Variants in THADA observed in about 807,000 individuals in gnomAD.
THADA encodes the protein THADA armadillo repeat containing.
In THADA, 213 loss-of-function variants were observed where a neutral mutation model predicts 219.8. The ratio of observed to expected loss-of-function variants is 0.97; its 90% CI spans 0.87 to 1.09. The LOEUF (loss-of-function observed/expected upper bound fraction) is 1.09, where lower values mean the gene tolerates loss of function less well. Ranked by LOEUF, THADA falls within the 50% of genes least tolerant of loss-of-function variation. The probability of loss-of-function intolerance (pLI) is 0.00; values close to 1 mark genes in which losing one functional copy is unlikely to be tolerated. For missense variants in THADA, 2,956 were observed against 2,311.3 expected (o/e 1.28, Z -5.72); for synonymous variants, 1,018 against 828.9 (o/e 1.23, Z -3.92).
intron 22 of THADA, among the ~76,000 whole-genome samples, chr2:43,520,889 G>A (rs1692342636): frequency 7.5e-6 from 1 of 132,756 alleles, no homozygotes; most frequent in Admixed American, 9.2e-5. Flanking sequence ...ATGAAGAGTA[G>A]AAATTCTTAA....
At chr2:43,325,720 A>G (rs535412119) in intron 30 of THADA, among the ~76,000 whole-genome samples, 1 of 152,242 alleles carries the variant, frequency 6.6e-6, no homozygotes, top group Non-Finnish European at 1.5e-5. Context: ...AAGTTCAGAG[A>G]TTTCCCAAGG....
At chr2:43,336,956 G>C (rs767582679) in intron 30 of THADA, among the ~76,000 whole-genome samples, 4 of 152,188 alleles carry the variant, frequency 2.6e-5, no homozygotes, top group African/African-American at 9.7e-5. Flanking sequence ...GTGGCCACGT[G>C]GGAATTTGAG....
At chr2:43,389,343 C>T (rs1378470983) in intron 29 of THADA, among the ~76,000 whole-genome samples, 2 of 152,078 alleles carry the variant, frequency 1.3e-5, no homozygotes, top group African/African-American at 4.8e-5. Flanking sequence ...AAAATAATAG[C>T]TAAAAGCCAG....
At chr2:43,251,919 G>A (rs931473235) in intron 36 of THADA, among the ~76,000 whole-genome samples, 54 of 151,900 alleles carry the variant, frequency 3.6e-4, no homozygotes, top group African/African-American at 1.2e-3. Flanking sequence ...CATCTTTTCC[G>A]TGTTTCTTCC....
At position 43,514,675 on chromosome 2, in the gene THADA, T is replaced by C. The variant is rs1488392695; in HGVS notation, c.3375-5895A>G. On this transcript the variant is annotated intron_variant, in intron 22 of 37. Transcript: ENST00000405975. ...ATATATTGTATATAATAATATATAA[T>C]ATATTATATTATATATAATATATAT... Among the ~76,000 whole-genome samples the C allele has an allele frequency of 4.7e-5, 4 of 85,108 alleles. 1 individual carries two copies. Among genetic ancestry groups the C allele is most frequent in the African/African-American group, 2.1e-4 (4 of 18,718 alleles). 55.8% of individuals were successfully genotyped at this position (85,108 alleles called of 152,430 possible). A position where few individuals can be genotyped will look rare whatever the true frequency, so the allele number is the denominator to read the frequency against.
intron 29 of THADA, among the ~76,000 whole-genome samples, chr2:43,376,770 A>T (rs1003479142): frequency 6.6e-6 from 1 of 152,166 alleles, no homozygotes; most frequent in Non-Finnish European, 1.5e-5. Flanking sequence ...TTTATGTGAG[A>T]TGACTAGAAA....
chr2:43,505,995 A>G (rs1689625160), intron 23 of THADA, among the ~76,000 whole-genome samples: 1 of 152,324 alleles, frequency 6.6e-6, no homozygotes, highest in East Asian at 1.9e-4. Flanking sequence ...AAATTTTATA[A>G]TTCTAAAAGG....
intron 31 of THADA, among the ~76,000 whole-genome samples, chr2:43,308,526 G>A (rs1474695574): frequency 6.6e-6 from 1 of 152,016 alleles, no homozygotes; most frequent in Admixed American, 6.6e-5. Context: ...GCAACATAGT[G>A]AGACCTTGTC....
At chr2:43,484,288 T>C (rs944852136) in intron 26 of THADA, 1 of 167,468 alleles carries the variant, frequency 6.0e-6, no homozygotes, top group African/African-American at 2.4e-5. Flanking sequence ...GATTTCATAT[T>C]TTTTTAATTC....
At chr2:43,398,184 C>T (rs757436512) in intron 28 of THADA, 45 bp from the exon 29 acceptor site, 4 of 1,586,470 alleles carry the variant, frequency 2.5e-6, no homozygotes, top group South Asian at 2.3e-5. Flanking sequence ...GTCATCTCCA[C>T]ATCTGTGACT....
rs546943457 is a variant in THADA, at chr2:43,232,326, C to T, written c.5466+387G>A. ...CCCGAGTAGCTGGGACTACAGGCAC[C>T]CACCACCATGCCCGGCTAATTTTTT... On this transcript the variant is annotated intron_variant, in intron 37 of 37. Coordinates refer to ENST00000405975, the MANE Select transcript of THADA (RefSeq NM_022065.5). Among the ~76,000 whole-genome samples the T allele has an allele frequency of 2.6e-5, 4 of 152,198 alleles. No individual in the cohort carries two copies. In the East Asian group the frequency reaches 7.7e-4, roughly 29 times the overall value.
chr2:43,233,074 T>G (rs1362163780), intron 36 of THADA, 192 bp from the exon 37 acceptor site: 3 of 618,720 alleles, frequency 4.8e-6, no homozygotes, highest in Non-Finnish European at 8.5e-6. Context: ...ACTGTTAGAA[T>G]GAGTCATAGG....
At chr2:43,239,737 G>C (rs555145079) in intron 36 of THADA, among the ~76,000 whole-genome samples, 2 of 152,344 alleles carry the variant, frequency 1.3e-5, no homozygotes, top group African/African-American at 4.8e-5. Flanking sequence ...GCAATGGGTT[G>C]AATTCTCCCT....
intron 26 of THADA, among the ~76,000 whole-genome samples, chr2:43,474,555 CTGAA>C (rs753533996): frequency 3.9e-5 from 6 of 152,056 alleles, no homozygotes; most frequent in Admixed American, 2.0e-4. Flanking sequence ...AACGTCTGTG[CTGAA>C]TGAATGATGA....
intron 29 of THADA, 75 bp downstream of exon 29, chr2:43,397,896 C>G: frequency 6.8e-7 from 1 of 1,475,152 alleles, no homozygotes; most frequent in Non-Finnish European, 9.3e-7. Flanking sequence ...AAATCTTCAC[C>G]AGCTAACAGT....
chr2:43,348,755 C>A (rs1667926778), intron 29 of THADA, among the ~76,000 whole-genome samples: 1 of 152,138 alleles, frequency 6.6e-6, no homozygotes, highest in South Asian at 2.1e-4. Context: ...ATAAGAGAAT[C>A]TACAGCAGGC....
intron 26 of THADA, among the ~76,000 whole-genome samples, chr2:43,472,882 A>G (rs1322763357): frequency 6.6e-6 from 1 of 152,206 alleles, no homozygotes; most frequent in Non-Finnish European, 1.5e-5. Flanking sequence ...AAACATACTA[A>G]GCATAGAAAA....
intron 21 of THADA, among the ~76,000 whole-genome samples, chr2:43,532,775 CA>C (rs1224273011): frequency 6.6e-6 from 1 of 151,832 alleles, no homozygotes; most frequent in Non-Finnish European, 1.5e-5. Flanking sequence ...GAGAAAGAAA[CA>C]AAACCATAAA....
intron 35 of THADA, among the ~76,000 whole-genome samples, chr2:43,281,712 C>A (rs946698468): frequency 6.6e-6 from 1 of 151,980 alleles, no homozygotes; most frequent in Non-Finnish European, 1.5e-5. Flanking sequence ...GCTGGGATTA[C>A]AGGCATGAGC....
Sources: gnomAD v4.1 joint callset for allele counts (sites outside exome capture counted in the v4.1 genomes callset) on GRCh38, gnomAD v4.1.1 for gene constraint, MANE v1.5 for transcripts, NCBI Gene and HGNC (gene_info 2026-07-23, HGNC 2026-07-21) for gene names.